Variants in CRACD observed in about 807,000 individuals in gnomAD.
CRACD encodes capping protein-inhibiting regulator of actin dynamics.
In CRACD, 56 loss-of-function variants were observed where a neutral mutation model predicts 106.8. That is an observed-to-expected ratio of 0.52 (90% CI 0.42 to 0.66). CRACD has a LOEUF of 0.66. CRACD is among the 30% of genes least tolerant of loss of function. The probability of loss-of-function intolerance (pLI) is 0.00; values close to 1 mark genes in which losing one functional copy is unlikely to be tolerated. For missense variants in CRACD, 1,730 were observed against 1,623.2 expected (o/e 1.07, Z -1.13); for synonymous variants, 754 against 670.8 (o/e 1.12, Z -1.92).
Position 56,278,227 on chromosome 4 carries a change from A to G in CRACD, c.-17+5735A>G, listed in dbSNP as rs1009211150. On this transcript the variant is annotated intron_variant, in intron 3 of 10. Coordinates refer to ENST00000682029, the MANE Select transcript of CRACD (RefSeq NM_001393381.1). ...ACATTATTGAAAAAGGAGAACAAAGATGGAAGACTCACACTTTCCATTTAA... is the reference window on the plus strand; with the variant it reads ...ACATTATTGAAAAAGGAGAACAAAGGTGGAAGACTCACACTTTCCATTTAA... Among the ~76,000 whole-genome samples the G allele has an allele frequency of 4.6e-5, 7 of 152,312 alleles. No homozygotes were observed. The South Asian group carries it at 1.4e-3, about 32-fold the overall frequency.
chr4:56,140,974 A>G (rs915806441), intron 1 of CRACD, among the ~76,000 whole-genome samples: 1 of 152,230 alleles, frequency 6.6e-6, no homozygotes, highest in Non-Finnish European at 1.5e-5. Context: ...AATCAGAGAA[A>G]CATACTGTTC....
chr4:56,195,258 G>T (rs1179758367), intron 2 of CRACD, among the ~76,000 whole-genome samples: 6 of 152,154 alleles, frequency 3.9e-5, no homozygotes, highest in Admixed American at 6.5e-5. Flanking sequence ...AGAGGGGAGG[G>T]CAGTCAGAAC....
At chr4:56,259,216 C>G (rs1741552595) in intron 2 of CRACD, among the ~76,000 whole-genome samples, 1 of 152,076 alleles carries the variant, frequency 6.6e-6, no homozygotes, top group South Asian at 2.1e-4. Flanking sequence ...GTCTGCATGA[C>G]TCACTTCATC....
rs551293032 is a variant in CRACD at position 56,197,919 on chromosome 4, C to T, written c.-189+18489C>T. ...GTCTCGATCTCCTGACCTTCTGATCCGCCCGCCTCGGCCTCCCAAAATGCT... is the reference window on the plus strand; with the variant it reads ...GTCTCGATCTCCTGACCTTCTGATCTGCCCGCCTCGGCCTCCCAAAATGCT... On this transcript the variant is annotated intron_variant, in intron 2 of 10. Coordinates refer to ENST00000682029, the MANE Select transcript of CRACD (RefSeq NM_001393381.1). Among the ~76,000 whole-genome samples, 63 of 152,222 alleles carry T rather than the reference C, an allele frequency of 4.1e-4. 1 individual carries two copies. Among genetic ancestry groups the T allele is most frequent in the Middle Eastern group, 6.8e-3 (2 of 294 alleles).
chr4:56,125,944 G>C (rs1409860807), intron 1 of CRACD, among the ~76,000 whole-genome samples: 1 of 151,494 alleles, frequency 6.6e-6, no homozygotes, highest in Non-Finnish European at 1.5e-5. Flanking sequence ...GCTGATTTTT[G>C]TATTTTTAGT....
intron 4 of CRACD, among the ~76,000 whole-genome samples, chr4:56,306,112 CA>C (rs1352408114): frequency 2.0e-5 from 3 of 152,166 alleles, no homozygotes; most frequent in African/African-American, 7.2e-5. Context: ...CACTGGGCCT[CA>C]GACATTTTTT....
intron 4 of CRACD, among the ~76,000 whole-genome samples, chr4:56,307,331 GA>G (rs200874560): frequency 4.6e-5 from 7 of 150,592 alleles, no homozygotes; most frequent in East Asian, 1.9e-4. Context: ...AGGTGGGAAA[GA>G]AAAAAAAAGA....
At chr4:56,270,662 C>T (rs1037739353) in intron 2 of CRACD, among the ~76,000 whole-genome samples, 6 of 152,090 alleles carry the variant, frequency 3.9e-5, no homozygotes, top group Non-Finnish European at 8.8e-5. Flanking sequence ...TTTATCTCTT[C>T]GTGTCTCAGG....
intron 2 of CRACD, among the ~76,000 whole-genome samples, chr4:56,193,554 C>T (rs1737473600): frequency 1.3e-5 from 2 of 152,084 alleles, no homozygotes; most frequent in African/African-American, 4.8e-5. Flanking sequence ...CCTTTCACTC[C>T]AGCATATAAT....
chr4:56,201,213 C>T (rs769672872), intron 2 of CRACD, among the ~76,000 whole-genome samples: 6 of 152,164 alleles, frequency 3.9e-5, no homozygotes. Context: ...TGTGTGTACA[C>T]ATGAAAATAT....
At chr4:56,305,170 A>G (rs368207190) in intron 4 of CRACD, among the ~76,000 whole-genome samples, 2 of 152,166 alleles carry the variant, frequency 1.3e-5, no homozygotes, top group East Asian at 3.9e-4. Flanking sequence ...GCAGTGAGCT[A>G]TGATCATGCC....
intron 9 of CRACD, 85 bp from the exon 10 acceptor site, chr4:56,324,019 G>C (rs1746272883): frequency 2.1e-6 from 3 of 1,437,224 alleles, no homozygotes; most frequent in Non-Finnish European, 1.9e-6. Context: ...GGGCTGGCAG[G>C]CAGAGGCCCC....
chr4:56,262,082 C>T (rs756677900), intron 2 of CRACD, among the ~76,000 whole-genome samples: 1 of 152,042 alleles, frequency 6.6e-6, no homozygotes, highest in East Asian at 1.9e-4. Context: ...GTTTTGTACA[C>T]GTCAGATGGT....
intron 1 of CRACD, among the ~76,000 whole-genome samples, chr4:56,086,693 C>T (rs1003073339): frequency 1.1e-4 from 16 of 152,128 alleles, no homozygotes; most frequent in African/African-American, 2.4e-4. Flanking sequence ...TGTCCAGGTG[C>T]GTCACTTTCC....
At chr4:56,312,857 T>G (rs1281749218) in intron 6 of CRACD, among the ~76,000 whole-genome samples, 1 of 152,148 alleles carries the variant, frequency 6.6e-6, no homozygotes, top group Non-Finnish European at 1.5e-5. Context: ...AAACTCTGAT[T>G]CTCCAAAACA....
At chr4:56,249,865 A>G (rs531089703) in intron 2 of CRACD, among the ~76,000 whole-genome samples, 7 of 152,302 alleles carry the variant, frequency 4.6e-5, no homozygotes, top group Admixed American at 3.9e-4. Context: ...CTGCCTTTGT[A>G]TCTGATTTAT....
chr4:56,108,024 T>C (rs1734005019), intron 1 of CRACD, among the ~76,000 whole-genome samples: 1 of 152,202 alleles, frequency 6.6e-6, no homozygotes, highest in Non-Finnish European at 1.5e-5. Flanking sequence ...ACTACTCATT[T>C]TTGCAGCTTT....
At chr4:56,257,761 G>A (rs1013871730) in intron 2 of CRACD, among the ~76,000 whole-genome samples, 33 of 151,984 alleles carry the variant, frequency 2.2e-4, no homozygotes, top group Non-Finnish European at 1.2e-4. Context: ...TAAGAGTCTG[G>A]TACCTTTTTA....
intron 1 of CRACD, among the ~76,000 whole-genome samples, chr4:56,092,847 C>T (rs1347427164): frequency 6.6e-6 from 1 of 152,136 alleles, no homozygotes; most frequent in Non-Finnish European, 1.5e-5. Flanking sequence ...CTCAAGTAAT[C>T]CTCCTGCCTT....
Sources: allele counts gnomAD v4.1 joint callset (sites outside exome capture counted in the v4.1 genomes callset), GRCh38; gene constraint gnomAD v4.1.1; transcripts MANE v1.5; gene names NCBI Gene and HGNC (gene_info 2026-07-23, HGNC 2026-07-21).